The following CAMTA1 variants were observed in gnomAD, a reference collection of about 807,000 sequenced individuals.
CAMTA1 encodes the protein calmodulin binding transcription activator 1.
In CAMTA1, 27 loss-of-function variants were observed where a neutral mutation model predicts 170.9. The observed-to-expected ratio is 0.16, with a 90% CI of 0.12 to 0.22. CAMTA1 has a LOEUF of 0.22. Ranked by LOEUF, CAMTA1 falls within the 10% of genes least tolerant of loss-of-function variation. The pLI is 1.00. For missense variants in CAMTA1, 1,619 were observed against 2,217.2 expected (o/e 0.73, Z 5.42); for synonymous variants, 833 against 891.5 (o/e 0.93, Z 1.17).
rs1289658561 is a variant in CAMTA1 at position 7,682,098 on chromosome 1, G to A, written c.2914+4365G>A. On this transcript the variant is annotated intron_variant, in intron 11 of 22. Coordinates refer to ENST00000303635, the MANE Select transcript of CAMTA1 (RefSeq NM_015215.4). This position sits in a 1 kb window ranked among gnomAD's most constrained non-coding sequence, Gnocchi z 5.0. ...GCCTCCTTGCCTGGGTGAGAGGATT[G>A]GAGTGAGACCTGCGTGCAGCTCCCC... 6.6e-6 allele frequency among the ~76,000 whole-genome samples: 1 copy of A among 151,960 alleles called. No individual in the cohort carries two copies. Among genetic ancestry groups the A allele is most frequent in the Non-Finnish European group, 1.5e-5 (1 of 68,002 alleles).
At chr1:7,081,569 T>C (rs1274175970) in intron 3 of CAMTA1, among the ~76,000 whole-genome samples, 1 of 152,224 alleles carries the variant, frequency 6.6e-6, no homozygotes, top group African/African-American at 2.4e-5. Context: ...TTGCCTATAT[T>C]GGTTCATGGT....
chr1:7,011,463 C>A (rs183953869), intron 3 of CAMTA1, among the ~76,000 whole-genome samples: 316 of 152,228 alleles, frequency 2.1e-3, no homozygotes, highest in Middle Eastern at 3.4e-3. Flanking sequence ...CCTCTGAGAC[C>A]CTTCGCCCTC....
chr1:6,938,046 G>A (rs185529341), intron 3 of CAMTA1, among the ~76,000 whole-genome samples: 3 of 152,266 alleles, frequency 2.0e-5, no homozygotes, highest in Admixed American at 6.5e-5. Context: ...CAGAAGTCTC[G>A]GTAAGTAACA....
At chr1:7,474,681 G>T (rs1477097202) in intron 6 of CAMTA1, among the ~76,000 whole-genome samples, 2 of 152,242 alleles carry the variant, frequency 1.3e-5, no homozygotes, top group East Asian at 3.8e-4. Context: ...GCTGGTACAG[G>T]CAGCCTCTCT....
chr1:7,550,762 A>T (rs1408689896), intron 6 of CAMTA1, among the ~76,000 whole-genome samples: 1 of 24,008 alleles, frequency 4.2e-5, no homozygotes, highest in Non-Finnish European at 8.2e-5. Context: ...TGCCCCTCCC[A>T]CCCGGCCCTC....
intron 5 of CAMTA1, among the ~76,000 whole-genome samples, chr1:7,305,625 C>T (rs1437964411): frequency 6.6e-6 from 1 of 151,954 alleles, no homozygotes; most frequent in African/African-American, 2.4e-5. Context: ...ATTCATGTAC[C>T]AATTTGTTTA....
intron 5 of CAMTA1, among the ~76,000 whole-genome samples, chr1:7,418,150 G>A (rs1241286324): frequency 1.3e-5 from 2 of 152,144 alleles, no homozygotes; most frequent in African/African-American, 4.8e-5. Context: ...CCCGCTCTGG[G>A]ATTCCAGAGT....
chr1:7,533,912 C>T (rs1347984684), intron 6 of CAMTA1, among the ~76,000 whole-genome samples: 2 of 151,714 alleles, frequency 1.3e-5, no homozygotes, highest in African/African-American at 4.8e-5. Context: ...AGACCTTGTC[C>T]CCCCAAAAAA....
Position 7,443,468 on chromosome 1 carries a change from G to A in CAMTA1, c.439-24362G>A, listed in dbSNP as rs371133635. Among the ~76,000 whole-genome samples, 15 of 152,246 alleles carry A rather than the reference G, an allele frequency of 9.9e-5. No individual in the cohort carries two copies. Among genetic ancestry groups the A allele is most frequent in the African/African-American group, 3.1e-4 (13 of 41,556 alleles). ...GAAAGTCACCCAGCCCTGGGCATCCGAATCAGCATTTTCTGGAGACTGGCG... is the reference window on the plus strand; with the variant it reads ...GAAAGTCACCCAGCCCTGGGCATCCAAATCAGCATTTTCTGGAGACTGGCG... On this transcript the variant is annotated intron_variant, in intron 5 of 22. Coordinates refer to ENST00000303635, the MANE Select transcript of CAMTA1 (RefSeq NM_015215.4). The surrounding 1 kb of genome is among the most constrained non-coding windows in gnomAD (Gnocchi z 4.1).
chr1:6,902,982 T>TG (rs1677464326), intron 3 of CAMTA1, among the ~76,000 whole-genome samples: 2 of 152,134 alleles, frequency 1.3e-5, no homozygotes, highest in South Asian at 4.1e-4. Flanking sequence ...TTTAGGAAAA[T>TG]GAAAATATAT....
intron 11 of CAMTA1, among the ~76,000 whole-genome samples, chr1:7,688,011 C>CTTTTTTTTTTT (rs70987364): frequency 0.015 from 1,506 of 103,104 alleles, 142 homozygotes; most frequent in African/African-American, 0.051. Context: ...CTCATTATTC[C>CTTTTTTTTTTT]TTTTTTTTTT....
In CAMTA1 at chr1:7,594,235, AAGG is replaced by A. The variant is rs1219958007; in HGVS notation, c.511-46163_511-46161del. Among the ~76,000 whole-genome samples the A allele has an allele frequency of 1.1e-4, 17 of 150,280 alleles. 1 individual carries two copies. The East Asian group carries it at 3.3e-3, about 29-fold the overall frequency. On this transcript the variant is annotated intron_variant, in intron 6 of 22. Coordinates refer to ENST00000303635, the MANE Select transcript of CAMTA1 (RefSeq NM_015215.4). Reference sequence around the variant, plus strand: ...GAAGGAAGGAAGGAAGGAAGGAAGGAAGGAAGAAAGAAAAGAAGGACTGTCAGA... The same window carrying A: ...GAAGGAAGGAAGGAAGGAAGGAAGGAAAGAAAGAAAAGAAGGACTGTCAGA...
chr1:7,756,436 T>A (rs2096932127), intron 22 of CAMTA1, among the ~76,000 whole-genome samples: 1 of 152,186 alleles, frequency 6.6e-6, no homozygotes, highest in Non-Finnish European at 1.5e-5. Flanking sequence ...TTTTAGTTCC[T>A]GAGATTTTAG....
At chr1:7,255,571 G>A (rs529097509) in intron 5 of CAMTA1, among the ~76,000 whole-genome samples, 2 of 152,038 alleles carry the variant, frequency 1.3e-5, no homozygotes, top group Non-Finnish European at 2.9e-5. Context: ...CTACATTGCC[G>A]TTGCTTTCCA....
At chr1:6,883,708 G>T in intron 3 of CAMTA1, among the ~76,000 whole-genome samples, 1 of 152,052 alleles carries the variant, frequency 6.6e-6, no homozygotes, top group Non-Finnish European at 1.5e-5. Context: ...AGTAGATAGA[G>T]GGCTTGAAAT....
chr1:7,509,736 C>G (rs1178728584), intron 6 of CAMTA1, among the ~76,000 whole-genome samples: 1 of 152,130 alleles, frequency 6.6e-6, no homozygotes, highest in Non-Finnish European at 1.5e-5. Flanking sequence ...TCCATGCCCC[C>G]AGGTGGGGAC....
At chr1:7,727,795 A>G (rs981817747) in intron 11 of CAMTA1, among the ~76,000 whole-genome samples, 1 of 152,220 alleles carries the variant, frequency 6.6e-6, no homozygotes, top group African/African-American at 2.4e-5. Flanking sequence ...TTGGCTTGCT[A>G]GTGTGGAGAT....
At chr1:7,544,189 A>C (rs560646282) in intron 6 of CAMTA1, among the ~76,000 whole-genome samples, 1 of 152,214 alleles carries the variant, frequency 6.6e-6, no homozygotes, top group Non-Finnish European at 1.5e-5. Flanking sequence ...AGCAAAAGGC[A>C]CTTCTTACAT....
intron 16 of CAMTA1, among the ~76,000 whole-genome samples, chr1:7,741,034 C>T (rs1036819572): frequency 6.6e-6 from 1 of 152,096 alleles, no homozygotes; most frequent in African/African-American, 2.4e-5. Flanking sequence ...GAGCAATTAT[C>T]GATAGTGTGG....
Sources: gnomAD v4.1 joint callset for allele counts (sites outside exome capture counted in the v4.1 genomes callset) on GRCh38, gnomAD v4.1.1 for gene constraint, Gnocchi (gnomAD v3.1) non-coding constraint, MANE v1.5 for transcripts, NCBI Gene and HGNC (gene_info 2026-07-23, HGNC 2026-07-21) for gene names.